ITGAM: variants seen among roughly 807,000 people sequenced by gnomAD.
ITGAM encodes integrin alpha-M.
A neutral mutation model predicts 137.5 loss-of-function variants in ITGAM; 79 were observed. That is an observed-to-expected ratio of 0.57 (90% CI 0.48 to 0.69). The LOEUF (loss-of-function observed/expected upper bound fraction) is 0.69, where lower values mean the gene tolerates loss of function less well. Among genes scored for constraint, ITGAM ranks in the 30% least tolerant of loss-of-function variants. The probability of loss-of-function intolerance (pLI) is 0.00; values close to 1 mark genes in which losing one functional copy is unlikely to be tolerated. For missense variants in ITGAM, 1,343 were observed against 1,483.5 expected, an observed-to-expected ratio of 0.91 and a Z score of 1.56; for synonymous variants, 583 against 592.3, an observed-to-expected ratio of 0.98 and a Z score of 0.23.
At chr16:31,283,114 G>T (rs2079988541) in intron 12 of ITGAM, among the ~76,000 whole-genome samples, 1 of 152,176 alleles carries the variant, frequency 6.6e-6, no homozygotes, top group Non-Finnish European at 1.5e-5. Flanking sequence ...GCTTCCCTTT[G>T]TGGGTAACCT....
intron 12 of ITGAM, among the ~76,000 whole-genome samples, chr16:31,289,464 A>T (rs1171089601): frequency 1.3e-5 from 2 of 152,198 alleles, no homozygotes; most frequent in Non-Finnish European, 2.9e-5. Context: ...AGGGACATGG[A>T]TGAAGCTGGA....
At chr16:31,317,881 A>C (rs1168448506) in intron 14 of ITGAM, among the ~76,000 whole-genome samples, 3 of 152,118 alleles carry the variant, frequency 2.0e-5, no homozygotes, top group African/African-American at 7.2e-5. Context: ...ATCTTTTCTC[A>C]TGGTGTGTTT....
chr16:31,298,204 CAAAA>C (rs61202942), intron 14 of ITGAM, among the ~76,000 whole-genome samples: 2 of 77,824 alleles, frequency 2.6e-5, no homozygotes, highest in Non-Finnish European at 5.0e-5. Flanking sequence ...CCCATCTCTC[CAAAA>C]AAAAAAAAAA....
intron 14 of ITGAM, among the ~76,000 whole-genome samples, chr16:31,298,343 A>G (rs62051470): frequency 0.14 from 21,657 of 151,986 alleles, 1,699 homozygotes; most frequent in African/African-American, 0.19. Context: ...ACACCACTGT[A>G]CTCCAGCAGC....
Position 31,266,144 on chromosome 16 carries a change from C to G in ITGAM, c.424C>G (p.Arg142Gly), listed in dbSNP as rs777964824. 1.2e-6 allele frequency: 2 copies of G among 1,611,210 alleles called. No individual in the cohort carries two copies. The highest frequency in any genetic ancestry group is 1.1e-5 in the South Asian group (1 of 91,006). ...QQPQKFPEAL[R>G]GCPQEDSDIA... ...GCCCCAGAAGTTCCCAGAGGCCCTC[C>G]GAGGTGGGTTGCCTTTGGCAGAGGG... Residue 142 changes from arginine to glycine, a missense_variant, in exon 5 of 30, where the codon CGA becomes GGA. By Grantham distance (125) the Arg-to-Gly change is moderately radical. Coordinates refer to ENST00000544665, the MANE Select transcript of ITGAM (RefSeq NM_000632.4).
chr16:31,270,718 TATATATATATATATATATATATATATG>T (rs1051623409), intron 5 of ITGAM, among the ~76,000 whole-genome samples: 3 of 104,086 alleles, frequency 2.9e-5, no homozygotes, highest in African/African-American at 1.3e-4. Context: ...TATATATATA[TATATATATATATATATATATATATATG>T]TTTTTAACGT....
chr16:31,272,422 A>AGTATAT (rs2079850545), intron 7 of ITGAM, among the ~76,000 whole-genome samples: 18 of 48,964 alleles, frequency 3.7e-4, no homozygotes, highest in African/African-American at 1.3e-3. Context: ...AGGCCAATTA[A>AGTATAT]CTATATATAT....
intron 23 of ITGAM, 71 bp downstream of exon 23, chr16:31,328,301 C>A (rs2080530039): frequency 7.6e-6 from 9 of 1,185,996 alleles, no homozygotes; most frequent in Non-Finnish European, 1.0e-5. Context: ...CATCTGTGTG[C>A]ATGAGTCTGT....
intron 20 of ITGAM, 31 bp downstream of exon 20, chr16:31,325,435 C>T: frequency 6.2e-7 from 1 of 1,612,482 alleles, no homozygotes; most frequent in Non-Finnish European, 8.5e-7. Flanking sequence ...CTCTATCTGA[C>T]CTTTGCTTCC....
At chr16:31,287,425 C>T (rs1443868917) in intron 12 of ITGAM, among the ~76,000 whole-genome samples, 2 of 152,088 alleles carry the variant, frequency 1.3e-5, no homozygotes, top group South Asian at 2.1e-4. Context: ...TAGTTTGATA[C>T]AAATAGCATT....
intron 11 of ITGAM, 71 bp from the exon 12 acceptor site, chr16:31,277,896 T>C: frequency 1.3e-6 from 2 of 1,494,468 alleles, no homozygotes; most frequent in Non-Finnish European, 1.8e-6. Context: ...GTGCCCCTAC[T>C]CAAGGGGTGG....
intron 14 of ITGAM, among the ~76,000 whole-genome samples, chr16:31,307,724 C>A (rs2080280397): frequency 6.6e-6 from 1 of 151,996 alleles, no homozygotes; most frequent in Admixed American, 6.6e-5. Context: ...CTGTCTTGTG[C>A]CAGTTTTCAA....
intron 12 of ITGAM, among the ~76,000 whole-genome samples, chr16:31,296,482 G>A (rs912063018): frequency 2.0e-5 from 3 of 152,104 alleles, no homozygotes; most frequent in Non-Finnish European, 4.4e-5. Context: ...TTTATTGTAT[G>A]TAAACTCTTC....
In ITGAM at chr16:31,271,075, C is replaced by A; in HGVS notation, c.549C>A (p.Ser183=). The part of the protein sequence containing the change: ...VSTVMEQLKK[S]KTLFSLMQYS... ...CTGTGATGGAGCAATTAAAAAAGTC[C>A]AAAACCTTGGTGAGGGCCCAGGGGT... is the stretch of plus-strand genomic sequence containing the variant. Residue 183 remains serine, a synonymous_variant, in exon 6 of 30, where the codon TCC becomes TCA. Coordinates refer to ENST00000544665, the MANE Select transcript of ITGAM (RefSeq NM_000632.4). 6.4e-7 allele frequency: 1 copy of A among 1,567,996 alleles called. No individual in the cohort carries two copies. Among genetic ancestry groups the A allele is most frequent in the Non-Finnish European group, 8.7e-7 (1 of 1,152,406 alleles).
At position 31,325,525 on chromosome 16, in the gene ITGAM, G is replaced by A. The variant is rs766088000; in HGVS notation, c.2531G>A (p.Arg844His). 8.1e-6 allele frequency: 13 copies of A among 1,613,758 alleles called. No individual in the cohort carries two copies. Among genetic ancestry groups the A allele is most frequent in the African/African-American group, 1.3e-5 (1 of 74,852 alleles). ...AACCAGCGCTCACAGCGATCCTGGC[G>A]CCTGGCCTGTGAGTCTGCCTCCTCC... ...LQNQRSQRSW[R>H]LACESASSTE... is the part of the protein sequence containing the mutation. The change falls in exon 21 of 30, where the codon CGC becomes CAC. Residue 844 changes from arginine to histidine, a missense_variant. By Grantham distance (29) the Arg-to-His change is conservative. Transcript: ENST00000544665.
In ITGAM at chr16:31,297,813, A is replaced by T. The variant is rs200376169; in HGVS notation, c.1566A>T (p.Ala522=). 1.2e-3 allele frequency: 1,943 copies of T among 1,611,048 alleles called. 3 individuals carry two copies. Among genetic ancestry groups the T allele is most frequent in the Non-Finnish European group, 1.6e-3 (1,870 of 1,179,032 alleles). The change falls in exon 14 of 30, where the codon GCA becomes GCT. Residue 522 remains alanine (A), a synonymous_variant. Transcript: ENST00000544665. Reference sequence around the variant, plus strand: ...GCCAACCCTGGGGCCGCTTTGGGGCAGCCCTAACAGTGCTGGGGGACGTAA... The same window carrying T: ...GCCAACCCTGGGGCCGCTTTGGGGCTGCCCTAACAGTGCTGGGGGACGTAA... ...EQGQPWGRFG[A]ALTVLGDVNG... is the part of the protein sequence containing the mutation.
chr16:31,320,334 TTTTAATATC>T (rs1308219541), intron 14 of ITGAM, among the ~76,000 whole-genome samples: 8 of 152,224 alleles, frequency 5.3e-5, no homozygotes, highest in African/African-American at 1.7e-4. Flanking sequence ...CTATAGTTAT[TTTTAATATC>T]TTTGTCTTAT....
chr16:31,297,044 T>C (rs2080141570), intron 12 of ITGAM, among the ~76,000 whole-genome samples: 1 of 152,210 alleles, frequency 6.6e-6, no homozygotes, highest in Non-Finnish European at 1.5e-5. Flanking sequence ...TTTCTATGTA[T>C]TTTCCAACCC....
chr16:31,276,799 T>C (rs1443685056), intron 10 of ITGAM, 55 bp downstream of exon 10: 1 of 1,566,866 alleles, frequency 6.4e-7, no homozygotes, highest in Non-Finnish European at 8.7e-7. Context: ...CAAGAAGAGA[T>C]AGGAGAGATG....
Sources: gnomAD v4.1 joint callset for allele counts (sites outside exome capture counted in the v4.1 genomes callset) on GRCh38, gnomAD v4.1.1 for gene constraint, MANE v1.5 for transcripts, NCBI Gene and HGNC (gene_info 2026-07-23, HGNC 2026-07-21) for gene names.